The following KIF6 variants were observed in gnomAD, a reference collection of about 807,000 sequenced individuals.
The protein encoded by KIF6 is kinesin family member 6.
Under a neutral mutation model 112.7 loss-of-function variants are expected in KIF6, and 106 were observed. That is an observed-to-expected ratio of 0.94 (90% CI 0.80 to 1.11). KIF6 has a LOEUF of 1.11. KIF6 is among the 50% of genes least tolerant of loss of function. The pLI is 0.00. For synonymous variants in KIF6, 339 were observed against 339.9 expected (o/e 1.00, Z 0.03); for missense variants, 929 against 964.0 (o/e 0.96, Z 0.48).
intron 13 of KIF6, among the ~76,000 whole-genome samples, chr6:39,446,499 T>A (rs917034257): frequency 1.3e-5 from 2 of 152,106 alleles, no homozygotes; most frequent in African/African-American, 4.8e-5. Flanking sequence ...TTTCTTTCCT[T>A]TTTCTTTTTT....
At chr6:39,337,124 CTT>C (rs1762978318) in intron 22 of KIF6, among the ~76,000 whole-genome samples, 1 of 124,304 alleles carries the variant, frequency 8.0e-6, no homozygotes, top group African/African-American at 3.0e-5. Flanking sequence ...TTCTTTCTTT[CTT>C]TCCTCCTTCC....
chr6:39,620,730 T>A (rs1017253313), intron 5 of KIF6, among the ~76,000 whole-genome samples: 2 of 151,382 alleles, frequency 1.3e-5, no homozygotes, highest in African/African-American at 4.9e-5. Flanking sequence ...TTACTCTCTT[T>A]TGATCACCCC....
chr6:39,545,828 T>G (rs935094008), intron 10 of KIF6, 140 bp from the exon 11 acceptor site: 3 of 534,536 alleles, frequency 5.6e-6, no homozygotes, highest in South Asian at 5.8e-5. Context: ...AGTATAAAAA[T>G]TAAGGGAAAA....
At chr6:39,589,292 C>G (rs1258812221) in intron 7 of KIF6, among the ~76,000 whole-genome samples, 5 of 152,192 alleles carry the variant, frequency 3.3e-5, no homozygotes, top group Non-Finnish European at 7.3e-5. Flanking sequence ...AATAATAAAC[C>G]TATCTCCAGC....
intron 16 of KIF6, among the ~76,000 whole-genome samples, chr6:39,373,437 G>T (rs550850560): frequency 2.6e-5 from 4 of 152,282 alleles, no homozygotes; most frequent in Non-Finnish European, 2.9e-5. Flanking sequence ...AATTGTCTCT[G>T]TTTGCTGATG....
intron 7 of KIF6, among the ~76,000 whole-genome samples, chr6:39,590,973 T>C (rs1299956759): frequency 6.6e-6 from 1 of 152,216 alleles, no homozygotes. Context: ...TAGAAGTCAG[T>C]CTCTTCTTGC....
intron 10 of KIF6, among the ~76,000 whole-genome samples, chr6:39,563,977 A>G (rs1339138865): frequency 6.6e-6 from 1 of 152,230 alleles, no homozygotes; most frequent in Non-Finnish European, 1.5e-5. Context: ...AACTTACAGG[A>G]AAAGTTAGAC....
intron 7 of KIF6, among the ~76,000 whole-genome samples, chr6:39,594,737 T>C (rs1450604815): frequency 1.3e-5 from 2 of 152,210 alleles, no homozygotes; most frequent in Non-Finnish European, 2.9e-5. Context: ...GGTTTTATTT[T>C]TTTCCCCTCT....
At chr6:39,372,554 C>G (rs1362715860) in intron 16 of KIF6, among the ~76,000 whole-genome samples, 1 of 152,210 alleles carries the variant, frequency 6.6e-6, no homozygotes, top group Non-Finnish European at 1.5e-5. Flanking sequence ...GCCTTGGAAT[C>G]TAATCCTTCA....
intron 13 of KIF6, among the ~76,000 whole-genome samples, chr6:39,463,824 G>T (rs1012242253): frequency 6.6e-6 from 1 of 152,078 alleles, no homozygotes; most frequent in African/African-American, 2.4e-5. Flanking sequence ...CCTATCTTCT[G>T]CTGGCCTTTC....
chr6:39,467,011 G>A (rs772603566), intron 13 of KIF6, among the ~76,000 whole-genome samples: 7 of 152,212 alleles, frequency 4.6e-5, no homozygotes, highest in African/African-American at 9.6e-5. Flanking sequence ...GCCAGTTCCA[G>A]AGCAATGGCT....
intron 5 of KIF6, among the ~76,000 whole-genome samples, chr6:39,632,852 C>A (rs986274177): frequency 1.3e-5 from 2 of 151,968 alleles, no homozygotes; most frequent in Non-Finnish European, 2.9e-5. Flanking sequence ...GATCTCCTGA[C>A]CTTGTGATCT....
chr6:39,378,952 GC>G lies in KIF6; in HGVS notation c.1861+6669del, dbSNP rs1168576262. 6.6e-6 allele frequency among the ~76,000 whole-genome samples: 1 copy of G among 152,182 alleles called. No individual in the cohort carries two copies. Among genetic ancestry groups the G allele is most frequent in the Non-Finnish European group, 1.5e-5 (1 of 68,042 alleles). On this transcript the variant is annotated intron_variant, in intron 16 of 22. Transcript: ENST00000287152. The surrounding 1 kb of genome is among the most constrained non-coding windows in gnomAD (Gnocchi z 5.0). ...TCAGTGAGCTATGCTTTAATGTCAG[GC>G]CTCTAGCTTTTATAGAGGGTCGATA...
At chr6:39,530,799 A>C (rs1778008295) in intron 13 of KIF6, among the ~76,000 whole-genome samples, 1 of 152,198 alleles carries the variant, frequency 6.6e-6, no homozygotes, top group South Asian at 2.1e-4. Flanking sequence ...GTTAATAGAA[A>C]CTGTTAACAC....
chr6:39,398,292 G>C (rs1421184943), intron 15 of KIF6, among the ~76,000 whole-genome samples: 1 of 152,168 alleles, frequency 6.6e-6, no homozygotes, highest in Non-Finnish European at 1.5e-5. Context: ...TATAATGTGG[G>C]AGATGTGATA....
chr6:39,718,717 CAG>C (rs1175904205), intron 2 of KIF6: 2 of 137,022 alleles, frequency 1.5e-5, no homozygotes, highest in Non-Finnish European at 3.1e-5. Context: ...GCCTGGGTGA[CAG>C]AGTGAGAACC....
At chr6:39,500,578 C>G (rs1186937677) in intron 13 of KIF6, among the ~76,000 whole-genome samples, 1 of 152,184 alleles carries the variant, frequency 6.6e-6, no homozygotes, top group Non-Finnish European at 1.5e-5. Flanking sequence ...CAATCTGAGG[C>G]AAGTTGCTTA....
chr6:39,460,536 T>TAAAAAAAAAAAAAAAAAAAAA (rs759528125), intron 13 of KIF6, among the ~76,000 whole-genome samples: 35 of 57,070 alleles, frequency 6.1e-4, no homozygotes, highest in African/African-American at 8.7e-4. Context: ...AAAAAAAAAG[T>TAAAAAAAAAAAAAAAAAAAAA]AAAAAAAAAA....
intron 13 of KIF6, among the ~76,000 whole-genome samples, chr6:39,451,223 ATG>A (rs1400029222): frequency 6.6e-6 from 1 of 152,206 alleles, no homozygotes; most frequent in Non-Finnish European, 1.5e-5. Context: ...TGGAGAGCTT[ATG>A]TTCTACTGAG....
Sources: allele counts gnomAD v4.1 joint callset (sites outside exome capture counted in the v4.1 genomes callset), GRCh38; gene constraint gnomAD v4.1.1; non-coding constraint Gnocchi (gnomAD v3.1); transcripts MANE v1.5; gene names NCBI Gene and HGNC (gene_info 2026-07-23, HGNC 2026-07-21).